Variants in SMAP2 observed in about 807,000 individuals in gnomAD.
SMAP2 encodes the protein small ArfGAP2.
Under a neutral mutation model 56.4 loss-of-function variants are expected in SMAP2, and 25 were observed. The observed-to-expected ratio is 0.44, with a 90% CI of 0.32 to 0.62. SMAP2 has a LOEUF of 0.62. Ranked by LOEUF, SMAP2 falls within the 20% of genes least tolerant of loss-of-function variation. SMAP2 has a pLI of 0.04. For missense variants in SMAP2, 388 were observed against 545.6 expected (o/e 0.71, Z 2.88); for synonymous variants, 157 against 181.7 (o/e 0.86, Z 1.09).
At chr1:40,394,142 T>A (rs1644745691) in intron 1 of SMAP2, among the ~76,000 whole-genome samples, 1 of 152,206 alleles carries the variant, frequency 6.6e-6, no homozygotes, top group East Asian at 1.9e-4. Context: ...TCCTATGGTT[T>A]CTTGGGAGGA....
chr1:40,410,162 C>CGTGA (rs1210677934), intron 4 of SMAP2, among the ~76,000 whole-genome samples: 2 of 152,016 alleles, frequency 1.3e-5, no homozygotes, highest in African/African-American at 2.4e-5. Flanking sequence ...CGGAGGATTA[C>CGTGA]GTGAGCCAGG....
intron 1 of SMAP2, among the ~76,000 whole-genome samples, chr1:40,388,528 C>G (rs1184888991): frequency 6.6e-6 from 1 of 152,018 alleles, no homozygotes; most frequent in Non-Finnish European, 1.5e-5. Flanking sequence ...TATCTAGCTA[C>G]TCTTGGTGGG....
chr1:40,364,715 G>A (rs1400858208), intron 2 of SMAP2: 2 of 148,760 alleles, frequency 1.3e-5, no homozygotes, highest in Admixed American at 6.8e-5. Context: ...CTGCACTCCA[G>A]CCTGGATGAC....
chr1:40,391,454 A>G (rs995574792), intron 1 of SMAP2, among the ~76,000 whole-genome samples: 1 of 152,166 alleles, frequency 6.6e-6, no homozygotes, highest in Non-Finnish European at 1.5e-5. Flanking sequence ...CCAGCCTGCT[A>G]TTAGCCTTGG....
Position 40,364,197 on chromosome 1 carries a change from T to C in SMAP2, c.55+1761T>C, listed in dbSNP as rs142429379. 2.4e-3 allele frequency among the ~76,000 whole-genome samples: 363 copies of C among 152,306 alleles called. 1 individual carries two copies. Among genetic ancestry groups the C allele is most frequent in the African/African-American group, 8.4e-3 (350 of 41,572 alleles). ...AATGTTCACCATACCTCTTTCTTGG[T>C]AGTAATCTGGGCATTTTATTACTGT... On this transcript the variant is annotated intron_variant, in intron 2 of 6. Coordinates refer to the SMAP2 transcript ENST00000435168.
chr1:40,375,844 CAT>C, intron 1 of SMAP2: 2 of 681,340 alleles, frequency 2.9e-6, no homozygotes, highest in Non-Finnish European at 1.8e-6. Context: ...CCCCATTTCT[CAT>C]ATTACCCTTA....
At chr1:40,353,338 C>T (rs762995766) in intron 1 of SMAP2, among the ~76,000 whole-genome samples, 22 of 152,188 alleles carry the variant, frequency 1.4e-4, no homozygotes, top group Non-Finnish European at 3.1e-4. Context: ...AGTTCTCATA[C>T]TTGAATGTGC....
chr1:40,372,427 C>T (rs1644502081), upstream of SMAP2, among the ~76,000 whole-genome samples: 1 of 152,158 alleles, frequency 6.6e-6, no homozygotes. Flanking sequence ...CAGGTATGTG[C>T]CACCACACCC....
chr1:40,386,799 A>C lies in SMAP2; in HGVS notation c.103+12576A>C, dbSNP rs1265364866. Among the ~76,000 whole-genome samples the C allele has an allele frequency of 6.6e-6, 1 of 152,090 alleles. No individual in the cohort carries two copies. Among genetic ancestry groups the C allele is most frequent in the Non-Finnish European group, 1.5e-5 (1 of 68,018 alleles). ...TGATTCTGAAACCTATCCACGATAA[A>C]AATCATTGGAAAGTATGAAAAATAT... On this transcript the variant is annotated intron_variant, in intron 1 of 9. Coordinates refer to ENST00000372718, the MANE Select transcript of SMAP2 (RefSeq NM_022733.3). The surrounding 1 kb of genome is among the most constrained non-coding windows in gnomAD (Gnocchi z 4.1).
Position 40,374,226 on chromosome 1 carries a change from A to T in SMAP2, c.103+3A>T. 1 of 1,608,140 alleles carries T rather than the reference A, an allele frequency of 6.2e-7. No homozygotes were observed. The highest frequency in any genetic ancestry group is 8.5e-7 in the Non-Finnish European group (1 of 1,177,322). ...TTGTGCAGATTGCCAGTCTAAAGGT[A>T]GCGCATCCCACCTGGCGGGCCAGGG... On this transcript the variant is annotated splice_donor_region_variant and intron_variant, in intron 1 of 9. Coordinates refer to ENST00000372718, the MANE Select transcript of SMAP2 (RefSeq NM_022733.3). The surrounding 1 kb of genome is among the most constrained non-coding windows in gnomAD (Gnocchi z 5.9).
chr1:40,402,681 G>T (rs997295403), intron 1 of SMAP2, among the ~76,000 whole-genome samples: 1 of 151,834 alleles, frequency 6.6e-6, no homozygotes, highest in African/African-American at 2.4e-5. Context: ...CTGTATTTTT[G>T]TACCCATTAA....
chr1:40,377,754 G>A (rs1280588443), intron 1 of SMAP2, among the ~76,000 whole-genome samples: 1 of 152,122 alleles, frequency 6.6e-6, no homozygotes, highest in African/African-American at 2.4e-5. Flanking sequence ...GATTTTATCA[G>A]TGTGTCAGGA....
intron 1 of SMAP2, among the ~76,000 whole-genome samples, chr1:40,360,197 G>T (rs1205269218): frequency 6.6e-6 from 1 of 151,024 alleles, no homozygotes; most frequent in African/African-American, 2.4e-5. Context: ...TAGTAGAGAC[G>T]GGGTTTCACC....
At chr1:40,377,683 T>C (rs1339151779) in intron 1 of SMAP2, among the ~76,000 whole-genome samples, 1 of 152,234 alleles carries the variant, frequency 6.6e-6, no homozygotes, top group African/African-American at 2.4e-5. Context: ...GTATGGGTCA[T>C]ACTTCCTTTG....
chr1:40,370,896 C>T (rs1426468557), upstream of SMAP2, among the ~76,000 whole-genome samples: 2 of 151,518 alleles, frequency 1.3e-5, no homozygotes, highest in South Asian at 2.1e-4. Flanking sequence ...TATAACTGGC[C>T]AGGCGCGGTG....
At chr1:40,345,154 A>T (rs959871670) in intron 1 of SMAP2, among the ~76,000 whole-genome samples, 8 of 152,086 alleles carry the variant, frequency 5.3e-5, no homozygotes, top group Admixed American at 4.6e-4. Flanking sequence ...CTGTAATCCC[A>T]GTGCTTTGGG....
At chr1:40,372,806 G>A (rs1377968282), upstream of SMAP2, among the ~76,000 whole-genome samples, 5 of 152,004 alleles carry the variant, frequency 3.3e-5, no homozygotes, top group African/African-American at 1.2e-4. Context: ...ACCACAAATC[G>A]GATCATGCTG....
chr1:40,383,115 A>C (rs562402306), intron 1 of SMAP2, among the ~76,000 whole-genome samples: 22 of 152,350 alleles, frequency 1.4e-4, no homozygotes, highest in African/African-American at 4.3e-4. Context: ...AGAAGAGCCA[A>C]GAAGCTGAAC....
chr1:40,408,139 A>C lies in SMAP2; in HGVS notation c.238-514A>C, dbSNP rs563277256. ...AAGGTGAGTTACATTTTTCAGTTAC[A>C]CTTCACTCTGTTTTATGAAGGAAAT... On this transcript the variant is annotated intron_variant, in intron 2 of 9. Transcript: ENST00000372718. The surrounding 1 kb of genome is among the most constrained non-coding windows in gnomAD (Gnocchi z 4.3). Among the ~76,000 whole-genome samples, 1 of 152,322 alleles carries C rather than the reference A, an allele frequency of 6.6e-6. No individual in the cohort carries two copies. Among genetic ancestry groups the C allele is most frequent in the African/African-American group, 2.4e-5 (1 of 41,566 alleles).
Sources: gnomAD v4.1 joint callset for allele counts (sites outside exome capture counted in the v4.1 genomes callset) on GRCh38, gnomAD v4.1.1 for gene constraint, Gnocchi (gnomAD v3.1) non-coding constraint, MANE v1.5 for transcripts, NCBI Gene and HGNC (gene_info 2026-07-23, HGNC 2026-07-21) for gene names.